The following GALNTL6 variants were observed in gnomAD, a reference collection of about 807,000 sequenced individuals.
The protein encoded by GALNTL6 is polypeptide N-acetylgalactosaminyltransferase-like 6.
In GALNTL6, 46 loss-of-function variants were observed where a neutral mutation model predicts 73.7. The observed-to-expected ratio is 0.62, with a 90% CI of 0.49 to 0.80. The LOEUF (loss-of-function observed/expected upper bound fraction) is 0.80. Ranked by LOEUF, GALNTL6 falls within the 30% of genes least tolerant of loss-of-function variation. GALNTL6 has a pLI of 0.00. For synonymous variants in GALNTL6, 259 were observed against 263.7 expected (o/e 0.98, Z 0.17); for missense variants, 604 against 755.0 (o/e 0.80, Z 2.34).
chr4:172,428,986 C>T (rs981361000), intron 5 of GALNTL6, among the ~76,000 whole-genome samples: 3 of 151,908 alleles, frequency 2.0e-5, no homozygotes, highest in East Asian at 1.9e-4. Flanking sequence ...ATCAAGGTGC[C>T]GGCTGATTCG....
At chr4:172,329,954 G>A (rs780512897) in intron 4 of GALNTL6, among the ~76,000 whole-genome samples, 1 of 152,190 alleles carries the variant, frequency 6.6e-6, no homozygotes, top group African/African-American at 2.4e-5. Flanking sequence ...AGCTAAGGCT[G>A]TGAACCAGCA....
chr4:172,136,971 CTTTAT>C (rs1733653793), intron 2 of GALNTL6, among the ~76,000 whole-genome samples: 2 of 151,910 alleles, frequency 1.3e-5, no homozygotes, highest in Admixed American at 1.3e-4. Context: ...ATGGAATTAC[CTTTAT>C]TTTCTTTCTA....
chr4:172,487,871 T>C (rs1733755439), intron 5 of GALNTL6, among the ~76,000 whole-genome samples: 1 of 152,198 alleles, frequency 6.6e-6, no homozygotes, highest in Non-Finnish European at 1.5e-5. Flanking sequence ...TGATCATAAG[T>C]TCCTCTTCCT....
At chr4:172,522,183 T>C (rs1459234138) in intron 5 of GALNTL6, among the ~76,000 whole-genome samples, 1 of 152,188 alleles carries the variant, frequency 6.6e-6, no homozygotes, top group Non-Finnish European at 1.5e-5. Flanking sequence ...AAACCATATC[T>C]AATGTGTTTT....
intron 5 of GALNTL6, among the ~76,000 whole-genome samples, chr4:172,483,763 G>A (rs571094002): frequency 1.4e-4 from 21 of 152,256 alleles, no homozygotes; most frequent in Admixed American, 1.4e-3. Context: ...TCAAAAATAA[G>A]TGAAATGACT....
At chr4:171,843,266 A>G (rs1225898684) in intron 2 of GALNTL6, among the ~76,000 whole-genome samples, 2 of 152,124 alleles carry the variant, frequency 1.3e-5, no homozygotes, top group Non-Finnish European at 2.9e-5. Flanking sequence ...CTAAAGTAAA[A>G]TACACCACAA....
At chr4:172,361,457 C>G (rs1420798080) in intron 5 of GALNTL6, among the ~76,000 whole-genome samples, 1 of 152,050 alleles carries the variant, frequency 6.6e-6, no homozygotes, top group East Asian at 1.9e-4. Context: ...AAAAACAAAA[C>G]AAAACAACAA....
chr4:172,613,735 A>G (rs1433293968), intron 5 of GALNTL6, among the ~76,000 whole-genome samples: 1 of 152,158 alleles, frequency 6.6e-6, no homozygotes, highest in Non-Finnish European at 1.5e-5. Context: ...TTATGCTGAA[A>G]ATGACATAAT....
At chr4:172,143,152 C>T (rs1733844666) in intron 2 of GALNTL6, among the ~76,000 whole-genome samples, 1 of 151,984 alleles carries the variant, frequency 6.6e-6, no homozygotes, top group Non-Finnish European at 1.5e-5. Context: ...TCCAAATCTA[C>T]TTAGGTGGTT....
intron 2 of GALNTL6, among the ~76,000 whole-genome samples, chr4:172,186,726 G>C (rs1735426809): frequency 6.6e-6 from 1 of 152,040 alleles, no homozygotes; most frequent in Non-Finnish European, 1.5e-5. Context: ...TGAACAATAG[G>C]TAGATCCACA....
chr4:172,615,143 G>T (rs1485247438), intron 5 of GALNTL6, among the ~76,000 whole-genome samples: 1 of 150,078 alleles, frequency 6.7e-6, no homozygotes, highest in Non-Finnish European at 1.5e-5. Flanking sequence ...GTTAATCTAG[G>T]TAATACAAAG....
intron 2 of GALNTL6, among the ~76,000 whole-genome samples, chr4:172,011,875 C>T (rs1741018355): frequency 6.6e-6 from 1 of 151,968 alleles, no homozygotes; most frequent in South Asian, 2.1e-4. Context: ...GATAAATTTG[C>T]ACTTTAAAGA....
intron 2 of GALNTL6, among the ~76,000 whole-genome samples, chr4:172,105,344 G>A (rs1482006744): frequency 6.6e-6 from 1 of 151,948 alleles, no homozygotes; most frequent in African/African-American, 2.4e-5. Context: ...AGTTAAAAGT[G>A]AAAGAGAAGT....
At chr4:171,860,024 C>G (rs186003700) in intron 2 of GALNTL6, among the ~76,000 whole-genome samples, 14 of 152,282 alleles carry the variant, frequency 9.2e-5, no homozygotes, top group African/African-American at 3.1e-4. Flanking sequence ...GAAGACAGAC[C>G]TTTCTTTGGA....
chr4:172,705,177 A>G (rs1314150087), intron 5 of GALNTL6, among the ~76,000 whole-genome samples: 1 of 146,422 alleles, frequency 6.8e-6, no homozygotes, highest in African/African-American at 2.5e-5. Context: ...ATTTACACTC[A>G]CTCTTATTAT....
At chr4:172,971,731 G>C (rs374034584) in intron 10 of GALNTL6, among the ~76,000 whole-genome samples, 2 of 152,222 alleles carry the variant, frequency 1.3e-5, no homozygotes, top group South Asian at 4.1e-4. Context: ...TAATATTAGT[G>C]TAAAGGCAAG....
intron 7 of GALNTL6, among the ~76,000 whole-genome samples, chr4:172,843,983 C>T (rs1475094771): frequency 1.3e-5 from 2 of 152,058 alleles, no homozygotes; most frequent in African/African-American, 2.4e-5. Flanking sequence ...CGCTTGAACC[C>T]GGAAGGGGGA....
Position 172,831,280 on chromosome 4 carries a change from GAGTGGC to G in GALNTL6, c.923+17558_923+17563del, listed in dbSNP as rs1232079637. On this transcript the variant is annotated intron_variant, in intron 7 of 12. Transcript: ENST00000506823. ...AGTCTTGGAAGCTGCAGCTAATGCA[GAGTGGC>G]CTAGAACCCAAGCACAGTAATAGAT... 3.3e-5 allele frequency among the ~76,000 whole-genome samples: 5 copies of G among 150,584 alleles called. No individual in the cohort carries two copies. In the Admixed American group the frequency reaches 3.3e-4, roughly 10 times the overall value.
chr4:172,225,266 G>C (rs1296032278), intron 2 of GALNTL6, among the ~76,000 whole-genome samples: 1 of 152,030 alleles, frequency 6.6e-6, no homozygotes, highest in Non-Finnish European at 1.5e-5. Context: ...GGATGGTTAA[G>C]CTTTCAAAAC....
Sources: allele counts gnomAD v4.1 joint callset (sites outside exome capture counted in the v4.1 genomes callset), GRCh38; gene constraint gnomAD v4.1.1; transcripts MANE v1.5; gene names NCBI Gene and HGNC (gene_info 2026-07-23, HGNC 2026-07-21).